Variants in ZDHHC3 observed in about 807,000 individuals in gnomAD.
ZDHHC3 encodes the protein palmitoyltransferase ZDHHC3.
ZDHHC3 carries 9 observed loss-of-function variants against 30.6 expected under a neutral mutation model. The ratio of observed to expected loss-of-function variants is 0.29; its 90% CI spans 0.18 to 0.51. The LOEUF is 0.51. Ranked by LOEUF, ZDHHC3 falls within the 20% of genes least tolerant of loss-of-function variation. ZDHHC3 has a pLI of 0.97. For synonymous variants in ZDHHC3, 136 were observed against 140.2 expected (o/e 0.97, Z 0.21); for missense variants, 246 against 384.2 (o/e 0.64, Z 3.01).
Position 44,936,367 on chromosome 3 carries a change from C to T in ZDHHC3, c.432-2383G>A, listed in dbSNP as rs142533721. ...AAAGTCAAAAAACAACAGATGCTGG[C>T]GAAAGTGCAGATACAAGGGAACACT... On this transcript the variant is annotated intron_variant, in intron 3 of 6. Coordinates refer to ENST00000424952, the MANE Select transcript of ZDHHC3 (RefSeq NM_001135179.2). Among the ~76,000 whole-genome samples, 102 of 152,184 alleles carry T rather than the reference C, an allele frequency of 6.7e-4. No homozygotes were observed. In the Middle Eastern group the frequency reaches 0.01, roughly 15 times the overall value.
intron 3 of ZDHHC3, chr3:44,938,016 C>T: frequency 2.6e-6 from 1 of 387,002 alleles, no homozygotes; most frequent in Non-Finnish European, 5.2e-6. Flanking sequence ...CAGAGTCTCG[C>T]TCTGTTGCCC....
intron 3 of ZDHHC3, among the ~76,000 whole-genome samples, chr3:44,943,264 C>T (rs917935082): frequency 6.6e-6 from 1 of 152,212 alleles, no homozygotes; most frequent in Non-Finnish European, 1.5e-5. Context: ...GCCAGAACTG[C>T]CGGGACCCAA....
chr3:44,954,243 T>C (rs1703729373), intron 2 of ZDHHC3, among the ~76,000 whole-genome samples: 1 of 152,208 alleles, frequency 6.6e-6, no homozygotes, highest in African/African-American at 2.4e-5. Flanking sequence ...GAATTTTCTT[T>C]TCCTTAACAA....
chr3:44,921,003 T>G lies in ZDHHC3; in HGVS notation c.*5686A>C, dbSNP rs1700551853. On this transcript the variant is annotated 3_prime_UTR_variant, in exon 7 of 7. Coordinates refer to ENST00000424952, the MANE Select transcript of ZDHHC3 (RefSeq NM_001135179.2). Reference sequence around the variant, plus strand: ...TTTAAAGGGATCCTGCAGGCAAAGTTCTTAAGCTTGAGGTTTGCAGAGGAG... The same window carrying G: ...TTTAAAGGGATCCTGCAGGCAAAGTGCTTAAGCTTGAGGTTTGCAGAGGAG... 1 of 985,352 alleles carries G rather than the reference T, an allele frequency of 1.0e-6. No homozygotes were observed. Among genetic ancestry groups the G allele is most frequent in the African/African-American group, 1.7e-5 (1 of 57,244 alleles). 61.0% of individuals were successfully genotyped at this position (985,352 alleles called of 1,614,324 possible). A position where few individuals can be genotyped will look rare whatever the true frequency, so the allele number is the denominator to read the frequency against.
chr3:44,962,395 C>T (rs979070860), intron 1 of ZDHHC3, among the ~76,000 whole-genome samples: 4 of 152,074 alleles, frequency 2.6e-5, no homozygotes, highest in African/African-American at 4.8e-5. Flanking sequence ...AGCCCTTCCA[C>T]GTAAGTAACT....
At chr3:44,952,581 C>G (rs147477512) in intron 2 of ZDHHC3, among the ~76,000 whole-genome samples, 2,737 of 152,310 alleles carry the variant, frequency 0.018, 42 homozygotes, top group Middle Eastern at 0.085. Context: ...CATATCTCAG[C>G]TCTGGACTAC....
chr3:44,929,408 T>G lies in ZDHHC3; in HGVS notation c.639A>C (p.Thr213=). The G allele has an allele frequency of 6.2e-7, 1 of 1,614,088 alleles. No individual in the cohort carries two copies. Among genetic ancestry groups the G allele is most frequent in the Non-Finnish European group, 8.5e-7 (1 of 1,179,962 alleles). ...TKCSSFSPPT[T]VILLILLCFE... is the part of the protein sequence containing the mutation. Reference sequence around the variant, plus strand: ...AGCACAGCAGGATAAGGAGAATCACTGTGGTGGGTGGAGAGAAGGAGCTGC... The same window carrying G: ...AGCACAGCAGGATAAGGAGAATCACGGTGGTGGGTGGAGAGAAGGAGCTGC... Residue 213 remains threonine, a synonymous_variant, in exon 6 of 7, where the codon ACA becomes ACC. Transcript: ENST00000424952.
chr3:44,933,304 C>G lies in ZDHHC3; in HGVS notation c.529-105G>C. On this transcript the variant is annotated intron_variant, in intron 4 of 6. Transcript: ENST00000424952. ...AATTTGCCACTCAGGAACACTTAGT[C>G]AGGACAAGGCCTGACCAGGAGGGAC... 9 of 1,018,238 alleles carry G rather than the reference C, an allele frequency of 8.8e-6. No individual in the cohort carries two copies. In the South Asian group the frequency reaches 1.2e-4, roughly 14 times the overall value. The allele number at this position is 1,018,238 out of a possible 1,614,324, so 63.1% of individuals were successfully genotyped here.
intron 1 of ZDHHC3, among the ~76,000 whole-genome samples, chr3:44,962,155 GT>G (rs563455081): frequency 0.023 from 3,545 of 151,892 alleles, 61 homozygotes; most frequent in Middle Eastern, 0.085. Flanking sequence ...CTATCAAACT[GT>G]TTTTTTTATC....
chr3:44,975,770 T>A lies in ZDHHC3; in HGVS notation c.-25+163A>T, dbSNP rs55859883. ...GGGTCTCTCTCTCTCTCTCTCTCTC[T>A]CTCACACACACACACACACACACAC... is the stretch of plus-strand genomic sequence containing the variant. On this transcript the variant is annotated intron_variant, in intron 1 of 6. Coordinates refer to ENST00000424952, the MANE Select transcript of ZDHHC3 (RefSeq NM_001135179.2). Among the ~76,000 whole-genome samples the A allele has an allele frequency of 0.16, 17,944 of 110,134 alleles. 1,930 individuals are homozygous for A. The highest frequency in any genetic ancestry group is 0.36 in the African/African-American group (10,603 of 29,538). The allele number at this position is 110,134 out of a possible 152,430, so 72.3% of individuals were successfully genotyped here.
intron 3 of ZDHHC3, among the ~76,000 whole-genome samples, chr3:44,935,272 T>C (rs1002073403): frequency 1.3e-5 from 2 of 152,212 alleles, no homozygotes; most frequent in Admixed American, 1.3e-4. Flanking sequence ...AGATAAATAA[T>C]TACCTTTCTT....
At chr3:44,964,784 C>T (rs932491898) in intron 1 of ZDHHC3, among the ~76,000 whole-genome samples, 1 of 152,162 alleles carries the variant, frequency 6.6e-6, no homozygotes, top group Non-Finnish European at 1.5e-5. Context: ...CAAGGAAGAT[C>T]TAGAACAATG....
chr3:44,929,753 GA>G (rs1701326390), intron 5 of ZDHHC3, among the ~76,000 whole-genome samples: 1 of 152,244 alleles, frequency 6.6e-6, no homozygotes. Flanking sequence ...GAAGGCCTCT[GA>G]AGTGAGGCAT....
chr3:44,973,530 C>G (rs1044085236), intron 1 of ZDHHC3, among the ~76,000 whole-genome samples: 3 of 152,132 alleles, frequency 2.0e-5, no homozygotes, highest in Non-Finnish European at 4.4e-5. Context: ...GTGATCTCAG[C>G]TCACTAAAAC....
chr3:44,960,366 A>G lies in ZDHHC3; in HGVS notation c.-24-906T>C, dbSNP rs530821701. 5.3e-5 allele frequency among the ~76,000 whole-genome samples: 8 copies of G among 152,316 alleles called. No individual in the cohort carries two copies. In the South Asian group the frequency reaches 1.7e-3, roughly 32 times the overall value. The stretch of plus-strand genomic sequence containing the variant: ...CTTGTGACGAATGATACAGATCATA[A>G]CACTCTGTACACCTCACAGGTTATG... On this transcript the variant is annotated intron_variant, in intron 1 of 6. Coordinates refer to ENST00000424952, the MANE Select transcript of ZDHHC3 (RefSeq NM_001135179.2).
chr3:44,958,222 TTAA>T (rs1194366424), intron 2 of ZDHHC3, among the ~76,000 whole-genome samples: 1 of 152,114 alleles, frequency 6.6e-6, no homozygotes, highest in Admixed American at 6.5e-5. Context: ...TTGGGATGGA[TTAA>T]TAATAATCTA....
rs904522012 is a variant in ZDHHC3 at position 44,922,578 on chromosome 3, C to T, written c.*4111G>A. 2 of 985,416 alleles carry T rather than the reference C, an allele frequency of 2.0e-6. No homozygotes were observed. Among genetic ancestry groups the T allele is most frequent in the East Asian group, 1.1e-4 (1 of 8,806 alleles). 61.0% of individuals were successfully genotyped at this position (985,416 alleles called of 1,614,324 possible). A position where few individuals can be genotyped will look rare whatever the true frequency, so the allele number is the denominator to read the frequency against. On this transcript the variant is annotated 3_prime_UTR_variant, in exon 7 of 7. Coordinates refer to ENST00000424952, the MANE Select transcript of ZDHHC3 (RefSeq NM_001135179.2). ...CTGTCTCACAATCAGCACACCCCAA[C>T]TGCACTATGCTGAGCCCAGCAGCAC...
rs1700848250 is a variant in ZDHHC3 at position 44,924,732 on chromosome 3, C to T, written c.*1957G>A. 1.0e-6 allele frequency: 1 copy of T among 985,306 alleles called. No homozygotes were observed. The highest frequency in any genetic ancestry group is 1.7e-5 in the African/African-American group (1 of 57,236). The allele number at this position is 985,306 out of a possible 1,614,324, so 61.0% of individuals were successfully genotyped here. A position where few individuals can be genotyped will look rare whatever the true frequency, so the allele number is the denominator to read the frequency against. On this transcript the variant is annotated 3_prime_UTR_variant, in exon 7 of 7. Transcript: ENST00000424952. Reference sequence around the variant, plus strand: ...GTAGCCCTGCTCTAGTTATTTAATACAATAACACTTCTTTCATACACCTAA... The same window carrying T: ...GTAGCCCTGCTCTAGTTATTTAATATAATAACACTTCTTTCATACACCTAA...
intron 1 of ZDHHC3, among the ~76,000 whole-genome samples, chr3:44,964,685 A>T (rs1704779290): frequency 6.6e-6 from 1 of 152,180 alleles, no homozygotes; most frequent in African/African-American, 2.4e-5. Context: ...CCAGAGGCCG[A>T]CAAGTCCAGG....
Sources: gnomAD v4.1 joint callset for allele counts (sites outside exome capture counted in the v4.1 genomes callset) on GRCh38, gnomAD v4.1.1 for gene constraint, MANE v1.5 for transcripts, NCBI Gene and HGNC (gene_info 2026-07-23, HGNC 2026-07-21) for gene names.